Variants in MARCHF8 observed in about 807,000 individuals in gnomAD.
The protein encoded by MARCHF8 is membrane associated ring-CH-type finger 8.
MARCHF8 carries 40 observed loss-of-function variants against 51.6 expected under a neutral mutation model. That is an observed-to-expected ratio of 0.77 (90% CI 0.60 to 1.01). MARCHF8 has a LOEUF of 1.01. Among genes scored for constraint, MARCHF8 ranks in the 50% least tolerant of loss-of-function variants. The probability of loss-of-function intolerance (pLI) is 0.00; values close to 1 mark genes in which losing one functional copy is unlikely to be tolerated. For synonymous variants in MARCHF8, 263 were observed against 280.3 expected (o/e 0.94, Z 0.62); for missense variants, 685 against 708.6 (o/e 0.97, Z 0.38).
rs376231490 is a variant in MARCHF8 at position 45,458,382 on chromosome 10, T to G, written c.1579A>C (p.Ser527Arg). 2.5e-6 allele frequency: 4 copies of G among 1,614,104 alleles called. No homozygotes were observed. The African/African-American group carries it at 5.3e-5, about 22-fold the overall frequency. The change falls in exon 8 of 8, where the codon AGC (serine) becomes CGC (arginine). Residue 527 changes from serine (S) to arginine (R), a missense_variant. Coordinates refer to ENST00000453424, the MANE Select transcript of MARCHF8 (RefSeq NM_001282866.2). The stretch of plus-strand genomic sequence containing the variant: ...GATTTTTCAAAAATATTCTTTTTGC[T>G]TGTTTCTGGACAGTTTTGAACATAG... ...VIYVQNCPET[S>R]KKNIFEKSPL...
chr10:45,473,061 G>C (rs1328865375), intron 3 of MARCHF8, among the ~76,000 whole-genome samples: 1 of 152,194 alleles, frequency 6.6e-6, no homozygotes, highest in African/African-American at 2.4e-5. Flanking sequence ...GCAAACCCTG[G>C]TCTTGACAAT....
intron 2 of MARCHF8, among the ~76,000 whole-genome samples, chr10:45,519,071 C>T (rs923338589): frequency 6.6e-6 from 1 of 152,138 alleles, no homozygotes; most frequent in African/African-American, 2.4e-5. Context: ...ACAGATTTCA[C>T]CAACTGCTGT....
chr10:45,492,242 C>T (rs1253427379), intron 2 of MARCHF8, among the ~76,000 whole-genome samples: 3 of 152,072 alleles, frequency 2.0e-5, no homozygotes, highest in South Asian at 2.1e-4. Flanking sequence ...CAGACCAGAT[C>T]ATCTTTTATT....
chr10:45,574,315 G>A (rs2044465165), intron 1 of MARCHF8, among the ~76,000 whole-genome samples: 1 of 152,078 alleles, frequency 6.6e-6, no homozygotes, highest in Non-Finnish European at 1.5e-5. Flanking sequence ...CCAAAAACCA[G>A]ACAAGTCTTA....
chr10:45,533,129 T>G lies in MARCHF8; in HGVS notation c.83A>C (p.Glu28Ala). ...SARVYRSKTKEKEREEQNEKT... is the reference protein window; with the variant it reads ...SARVYRSKTKAKEREEQNEKT... ...CAGTACCTGTTCTTCCCTCTCCTTTTCTTTGGTCTTACTTCTGTAGACTCT... is the reference window on the plus strand; with the variant it reads ...CAGTACCTGTTCTTCCCTCTCCTTTGCTTTGGTCTTACTTCTGTAGACTCT... Residue 28 changes from glutamate (E) to alanine (A), a missense_variant, in exon 2 of 8, where the codon GAA becomes GCA. By Grantham distance (107) the Glu-to-Ala change is moderately radical (BLOSUM62 -1). Coordinates refer to ENST00000453424, the MANE Select transcript of MARCHF8 (RefSeq NM_001282866.2). 6.2e-7 allele frequency: 1 copy of G among 1,609,050 alleles called. No individual in the cohort carries two copies. Among genetic ancestry groups the G allele is most frequent in the Non-Finnish European group, 8.5e-7 (1 of 1,178,308 alleles).
intron 1 of MARCHF8, among the ~76,000 whole-genome samples, chr10:45,547,619 TTTG>T (rs746393987): frequency 2.0e-5 from 3 of 152,154 alleles, no homozygotes; most frequent in Non-Finnish European, 2.9e-5. Context: ...TAGCGGTTTT[TTTG>T]TTTTTTGTTT....
At chr10:45,548,956 T>C (rs151086255) in intron 1 of MARCHF8, among the ~76,000 whole-genome samples, 3,575 of 150,730 alleles carry the variant, frequency 0.024, 126 homozygotes, top group African/African-American at 0.078. Flanking sequence ...GATCATGCCA[T>C]TGCACTCCAG....
intron 2 of MARCHF8, among the ~76,000 whole-genome samples, chr10:45,522,713 T>C (rs2043728388): frequency 6.6e-6 from 1 of 152,218 alleles, no homozygotes; most frequent in Non-Finnish European, 1.5e-5. Context: ...TGCCCTGCTC[T>C]GCTTTTTAAA....
At position 45,457,091 on chromosome 10, in the gene MARCHF8, A is replaced by T. The variant is rs1794651176; in HGVS notation, c.*1148T>A. The T allele has an allele frequency of 6.6e-6, 1 of 152,330 alleles. No homozygotes were observed. The highest frequency in any genetic ancestry group is 2.4e-5 in the African/African-American group (1 of 41,466). The allele number at this position is 152,330 out of a possible 1,614,324, so 9.4% of individuals were successfully genotyped here. A position where few individuals can be genotyped will look rare whatever the true frequency, so the allele number is the denominator to read the frequency against. On this transcript the variant is annotated 3_prime_UTR_variant, in exon 8 of 8. Transcript: ENST00000453424. The stretch of plus-strand genomic sequence containing the variant: ...GAACTTCCCCGAGCAGAAGCCTCAC[A>T]GTGGGCCAGCACCCATCTTGCATGC...
At chr10:45,495,151 G>A (rs1300075122) in intron 2 of MARCHF8, among the ~76,000 whole-genome samples, 1 of 151,528 alleles carries the variant, frequency 6.6e-6, no homozygotes, top group Non-Finnish European at 1.5e-5. Flanking sequence ...AAAAGATTAA[G>A]GACTCCCAAA....
intron 1 of MARCHF8, among the ~76,000 whole-genome samples, chr10:45,548,435 G>C (rs1179192073): frequency 6.6e-6 from 1 of 152,120 alleles, no homozygotes; most frequent in Non-Finnish European, 1.5e-5. Context: ...CAACCACCGG[G>C]GCAGGTACGT....
chr10:45,513,126 C>A (rs1017309872), intron 2 of MARCHF8, among the ~76,000 whole-genome samples: 2 of 151,246 alleles, frequency 1.3e-5, no homozygotes, highest in Non-Finnish European at 3.0e-5. Context: ...AAACCAGAGA[C>A]CTTTGTTCAC....
chr10:45,541,882 CCAA>C (rs2044057492), intron 1 of MARCHF8, among the ~76,000 whole-genome samples: 1 of 152,164 alleles, frequency 6.6e-6, no homozygotes, highest in South Asian at 2.1e-4. Context: ...TCTGTCCATT[CCAA>C]CAACAAGGCT....
chr10:45,539,896 T>C (rs1005163296), upstream of MARCHF8, among the ~76,000 whole-genome samples: 6 of 152,198 alleles, frequency 3.9e-5, no homozygotes, highest in African/African-American at 1.4e-4. Flanking sequence ...CAAGCATTCT[T>C]ACACTCCAAT....
intron 2 of MARCHF8, among the ~76,000 whole-genome samples, chr10:45,511,350 G>A (rs35294227): frequency 0.062 from 9,368 of 152,114 alleles, 329 homozygotes; most frequent in Non-Finnish European, 0.066. Context: ...TTGCTGTAAA[G>A]GTTGTTATAG....
chr10:45,587,885 TA>T (rs1391047288), intron 1 of MARCHF8, among the ~76,000 whole-genome samples: 1 of 151,994 alleles, frequency 6.6e-6, no homozygotes, highest in Admixed American at 6.6e-5. Context: ...CAAATGATAT[TA>T]AAAAATGTAT....
chr10:45,512,783 G>T (rs1256250681), intron 2 of MARCHF8, among the ~76,000 whole-genome samples: 1 of 152,114 alleles, frequency 6.6e-6, no homozygotes, highest in Admixed American at 6.5e-5. Flanking sequence ...GGAATAGAAA[G>T]GGGGGAAAGG....
At chr10:45,498,063 G>C (rs1325684328) in intron 2 of MARCHF8, among the ~76,000 whole-genome samples, 1 of 152,162 alleles carries the variant, frequency 6.6e-6, no homozygotes, top group Non-Finnish European at 1.5e-5. Flanking sequence ...AAGATTGAAT[G>C]CTTACTCCCT....
At chr10:45,517,260 C>T (rs895986785) in intron 2 of MARCHF8, among the ~76,000 whole-genome samples, 1 of 152,158 alleles carries the variant, frequency 6.6e-6, no homozygotes, top group Non-Finnish European at 1.5e-5. Context: ...TTCCCCATCC[C>T]AAGAATAGTA....
Sources: allele counts gnomAD v4.1 joint callset (sites outside exome capture counted in the v4.1 genomes callset), GRCh38; gene constraint gnomAD v4.1.1; transcripts MANE v1.5; gene names NCBI Gene and HGNC (gene_info 2026-07-23, HGNC 2026-07-21).